The following PLD1 variants were observed in gnomAD, a reference collection of about 807,000 sequenced individuals.
The protein encoded by PLD1 is phospholipase D1.
PLD1 carries 112 observed loss-of-function variants against 137.1 expected under a neutral mutation model. The ratio of observed to expected loss-of-function variants is 0.82; its 90% CI spans 0.70 to 0.96. The LOEUF (loss-of-function observed/expected upper bound fraction) is 0.96. PLD1 is among the 40% of genes least tolerant of loss of function. The probability of loss-of-function intolerance (pLI) is 0.00; values close to 1 mark genes in which losing one functional copy is unlikely to be tolerated. For missense variants in PLD1, 1,321 were observed against 1,342.0 expected, an observed-to-expected ratio of 0.98 and a Z score of 0.24; for synonymous variants, 431 against 454.7, an observed-to-expected ratio of 0.95 and a Z score of 0.66.
At chr3:171,732,066 CA>C (rs1718989518) in intron 6 of PLD1, among the ~76,000 whole-genome samples, 1 of 152,016 alleles carries the variant, frequency 6.6e-6, no homozygotes, top group South Asian at 2.1e-4. Flanking sequence ...AAGTCACAGG[CA>C]GGCAGAAAAG....
chr3:171,655,945 T>G lies in PLD1; in HGVS notation c.2429+3268A>C, dbSNP rs577835654. Among the ~76,000 whole-genome samples, 3 of 152,234 alleles carry G rather than the reference T, an allele frequency of 2.0e-5. No homozygotes were observed. In the South Asian group the frequency reaches 6.2e-4, roughly 32 times the overall value. ...TTATTTGAAATTTGATGAACTAATT[T>G]CCCATTTTTCACAAAGCAAACTTGA... On this transcript the variant is annotated intron_variant, in intron 21 of 26. Coordinates refer to ENST00000351298, the MANE Select transcript of PLD1 (RefSeq NM_002662.5).
Position 171,644,931 on chromosome 3 carries a change from G to GC in PLD1, c.2521dup (p.Ala841GlyfsTer27). ...GCACCTGTAGTTGAAGTGCATGATT[G>GC]CCTGTAGAGCATTTCCTCCGCCGGT... On this transcript the variant is annotated frameshift_variant, in exon 22 of 27. Transcript: ENST00000351298. LOFTEE classifies it high-confidence loss of function. 5 of 1,611,740 alleles carry GC rather than the reference G, an allele frequency of 3.1e-6. No individual in the cohort carries two copies. The highest frequency in any genetic ancestry group is 4.2e-6 in the Non-Finnish European group (5 of 1,177,816).
intron 19 of PLD1, among the ~76,000 whole-genome samples, chr3:171,673,062 G>C (rs1049716374): frequency 1.1e-4 from 16 of 152,144 alleles, no homozygotes; most frequent in Admixed American, 7.2e-4. Flanking sequence ...AATAATGCAA[G>C]TTCAAATCTT....
intron 19 of PLD1, among the ~76,000 whole-genome samples, chr3:171,670,270 C>A (rs1040715941): frequency 4.6e-5 from 7 of 152,116 alleles, no homozygotes; most frequent in Middle Eastern, 3.2e-3. Context: ...AAGAGCTGGA[C>A]GAGAGGACAT....
At chr3:171,648,799 C>G (rs1258965173) in intron 21 of PLD1, among the ~76,000 whole-genome samples, 1 of 152,160 alleles carries the variant, frequency 6.6e-6, no homozygotes, top group Non-Finnish European at 1.5e-5. Context: ...CGTGATCCAC[C>G]CGCCTCGGCC....
chr3:171,719,760 G>A (rs1031924741), intron 8 of PLD1, among the ~76,000 whole-genome samples: 1 of 152,146 alleles, frequency 6.6e-6, no homozygotes, highest in African/African-American at 2.4e-5. Flanking sequence ...CTCAATAAAT[G>A]TGCTGTTTAA....
chr3:171,678,908 A>C (rs537945403), intron 16 of PLD1, among the ~76,000 whole-genome samples: 1 of 152,206 alleles, frequency 6.6e-6, no homozygotes, highest in Admixed American at 6.5e-5. Context: ...GCACATTATT[A>C]CTTCTACCTG....
At chr3:171,759,602 C>T (rs555223967) in intron 1 of PLD1, among the ~76,000 whole-genome samples, 3 of 152,268 alleles carry the variant, frequency 2.0e-5, no homozygotes, top group Non-Finnish European at 2.9e-5. Flanking sequence ...GAAAAGGGAA[C>T]CTTCTAGTTT....
At chr3:171,666,707 T>C (rs981432056) in intron 19 of PLD1, among the ~76,000 whole-genome samples, 3 of 152,228 alleles carry the variant, frequency 2.0e-5, no homozygotes, top group Non-Finnish European at 2.9e-5. Context: ...AACTGTTCCC[T>C]CACATGCAAA....
chr3:171,644,812 C>T, intron 22 of PLD1, 98 bp downstream of exon 22: 1 of 769,178 alleles, frequency 1.3e-6, no homozygotes. Context: ...TTGTTCCCCA[C>T]TCCACCGAAT....
At chr3:171,799,850 A>G (rs1215008452) in intron 1 of PLD1, among the ~76,000 whole-genome samples, 1 of 152,108 alleles carries the variant, frequency 6.6e-6, no homozygotes, top group Non-Finnish European at 1.5e-5. Context: ...AAAAATCCCA[A>G]CTGAGGGACA....
Position 171,738,037 on chromosome 3 carries a change from G to A in PLD1, c.15C>T (p.Asn5=), listed in dbSNP as rs145738077. 94 of 1,612,408 alleles carry A rather than the reference G, an allele frequency of 5.8e-5. No individual in the cohort carries two copies. The African/African-American group carries it at 6.0e-4, about 10-fold the overall frequency. MSLK[N]EPRVNTSALQ... is the part of the protein sequence containing the mutation. Reference sequence around the variant, plus strand: ...GTGCAGAGGTATTTACCCGTGGCTCGTTTTTCAGTGACATGTTAACTTTGG... The same window carrying A: ...GTGCAGAGGTATTTACCCGTGGCTCATTTTTCAGTGACATGTTAACTTTGG... Residue 5 remains asparagine (N), a synonymous_variant, in exon 2 of 27, where the codon AAC becomes AAT. Transcript: ENST00000351298.
intron 1 of PLD1, among the ~76,000 whole-genome samples, chr3:171,800,042 G>A (rs1364373580): frequency 1.3e-5 from 2 of 152,154 alleles, no homozygotes; most frequent in East Asian, 3.9e-4. Context: ...ATAAATACAG[G>A]TTTTACTTAA....
intron 22 of PLD1, 65 bp downstream of exon 22, chr3:171,644,845 T>C: frequency 1.1e-6 from 1 of 907,702 alleles, no homozygotes; most frequent in Non-Finnish European, 1.9e-6. Context: ...ACACTGCCAT[T>C]CCCTTCATCA....
intron 1 of PLD1, among the ~76,000 whole-genome samples, chr3:171,783,538 A>G (rs1474008988): frequency 3.3e-5 from 5 of 152,182 alleles, no homozygotes; most frequent in Non-Finnish European, 7.3e-5. Flanking sequence ...ACAGAGCATA[A>G]AAGTTGGCAG....
At chr3:171,653,955 G>A (rs188666298) in intron 21 of PLD1, 19 of 266,972 alleles carry the variant, frequency 7.1e-5, no homozygotes, top group African/African-American at 4.2e-4. Context: ...CAGACATCTG[G>A]TCCCCCAATA....
At chr3:171,688,298 T>G (rs1714779472) in intron 14 of PLD1, among the ~76,000 whole-genome samples, 1 of 152,232 alleles carries the variant, frequency 6.6e-6, no homozygotes, top group Non-Finnish European at 1.5e-5. Flanking sequence ...TTCCAAAAAC[T>G]GTGGCAGATA....
At chr3:171,771,295 A>G (rs1921342) in intron 1 of PLD1, 64,769 of 152,028 alleles carry the variant, frequency 0.43, 14,090 homozygotes, top group Middle Eastern at 0.65. Context: ...AGGTGGCAAA[A>G]TCGACTACCC....
intron 1 of PLD1, among the ~76,000 whole-genome samples, chr3:171,786,474 G>A (rs147177592): frequency 1.9e-4 from 29 of 152,298 alleles, no homozygotes; most frequent in African/African-American, 7.0e-4. Context: ...AGAGAGAAAT[G>A]CAGCAATCGA....
Sources: allele counts gnomAD v4.1 joint callset (sites outside exome capture counted in the v4.1 genomes callset), GRCh38; gene constraint gnomAD v4.1.1; transcripts MANE v1.5; gene names NCBI Gene and HGNC (gene_info 2026-07-23, HGNC 2026-07-21).